CHSY1: variants seen among roughly 807,000 people sequenced by gnomAD.
CHSY1 encodes chondroitin sulfate synthase 1.
Under a neutral mutation model 59.8 loss-of-function variants are expected in CHSY1, and 13 were observed. The observed-to-expected ratio is 0.22, with a 90% CI of 0.14 to 0.35. The LOEUF is 0.35. Ranked by LOEUF, CHSY1 falls within the 10% of genes least tolerant of loss-of-function variation. The pLI, the probability that CHSY1 is intolerant of heterozygous loss-of-function variation, is 1.00. For missense variants in CHSY1, 947 were observed against 1,030.6 expected, an observed-to-expected ratio of 0.92 and a Z score of 1.11; for synonymous variants, 459 against 401.2, an observed-to-expected ratio of 1.14 and a Z score of -1.72.
In CHSY1 at chr15:101,177,382, T is replaced by C; in HGVS notation, c.*6A>G. ...TTAAAAACGTCTTTTCCAGCAAAGCTGGACATTAGGCTGTCCTCACTGAGC... is the reference window on the plus strand; with the variant it reads ...TTAAAAACGTCTTTTCCAGCAAAGCCGGACATTAGGCTGTCCTCACTGAGC... On this transcript the variant is annotated 3_prime_UTR_variant, in exon 3 of 3. Coordinates refer to ENST00000254190, the MANE Select transcript of CHSY1 (RefSeq NM_014918.5). 3 of 1,599,742 alleles carry C rather than the reference T, an allele frequency of 1.9e-6. No homozygotes were observed. Among genetic ancestry groups the C allele is most frequent in the Non-Finnish European group, 2.6e-6 (3 of 1,176,208 alleles).
chr15:101,228,960 A>G (rs1371744055), intron 2 of CHSY1, among the ~76,000 whole-genome samples: 1 of 152,246 alleles, frequency 6.6e-6, no homozygotes, highest in African/African-American at 2.4e-5. Flanking sequence ...CAACAACAGC[A>G]CAAAGGGAGG....
At chr15:101,243,998 C>T (rs901512017) in intron 1 of CHSY1, among the ~76,000 whole-genome samples, 1 of 152,196 alleles carries the variant, frequency 6.6e-6, no homozygotes, top group African/African-American at 2.4e-5. Flanking sequence ...TTTTGGTTTA[C>T]AGGCATCAAC....
At chr15:101,234,620 G>A (rs574080019) in intron 2 of CHSY1, among the ~76,000 whole-genome samples, 48 of 152,230 alleles carry the variant, frequency 3.2e-4, no homozygotes, top group Non-Finnish European at 6.6e-4. Context: ...TGTAATCCCA[G>A]CATTTTGGGA....
chr15:101,226,956 G>T (rs572259279), intron 2 of CHSY1, among the ~76,000 whole-genome samples: 1 of 152,298 alleles, frequency 6.6e-6, no homozygotes, highest in African/African-American at 2.4e-5. Flanking sequence ...TGACATCAGT[G>T]AAAATGGCAG....
intron 1 of CHSY1, among the ~76,000 whole-genome samples, chr15:101,239,247 A>T (rs539140241): frequency 4.4e-4 from 67 of 152,380 alleles, no homozygotes; most frequent in Middle Eastern, 3.4e-3. Flanking sequence ...ATGGTGCCAC[A>T]CGTGTTTGCA....
At chr15:101,198,827 T>C (rs190854338) in intron 2 of CHSY1, among the ~76,000 whole-genome samples, 1 of 152,174 alleles carries the variant, frequency 6.6e-6, no homozygotes, top group Non-Finnish European at 1.5e-5. Flanking sequence ...TGCATTACAG[T>C]GGCTAAGCTG....
At position 101,178,204 on chromosome 15, in the gene CHSY1, A is replaced by C. The variant is rs766053226; in HGVS notation, c.1593T>G (p.Asp531Glu). The change falls in exon 3 of 3, where the codon GAT becomes GAG. Residue 531 changes from aspartate to glutamate, a missense_variant. Asp to Glu is a conservative substitution (Grantham distance 45). Coordinates refer to ENST00000254190, the MANE Select transcript of CHSY1 (RefSeq NM_014918.5). ...GSKSEHKEPK[D>E]KKINILIPLS... is the part of the protein sequence containing the mutation. ...AAGGAATCAGTATGTTTATCTTTTT[A>C]TCTTTGGGTTCTTTGTGCTCACTCT... 25 of 1,614,220 alleles carry C rather than the reference A, an allele frequency of 1.5e-5. No individual in the cohort carries two copies. Among genetic ancestry groups the C allele is most frequent in the Non-Finnish European group, 1.9e-5 (23 of 1,180,032 alleles).
Position 101,178,051 on chromosome 15 carries a change from T to C in CHSY1, c.1746A>G (p.Lys582=), listed in dbSNP as rs2141235234. The part of the protein sequence containing the change: ...FNSDSNPDKA[K]QVELMRDYRI... ...GGTAATCTCTCATCAGTTCAACTTG[T>C]TTGGCCTTGTCAGGGTTGGAGTCAG... is the stretch of plus-strand genomic sequence containing the variant. Residue 582 remains lysine, a synonymous_variant, in exon 3 of 3, where the codon AAA becomes AAG. Coordinates refer to ENST00000254190, the MANE Select transcript of CHSY1 (RefSeq NM_014918.5). The C allele has an allele frequency of 6.2e-7, 1 of 1,614,178 alleles. No homozygotes were observed. The highest frequency in any genetic ancestry group is 8.5e-7 in the Non-Finnish European group (1 of 1,180,026).
At chr15:101,186,251 C>T (rs1348129987) in intron 2 of CHSY1, among the ~76,000 whole-genome samples, 3 of 150,500 alleles carry the variant, frequency 2.0e-5, no homozygotes, top group African/African-American at 2.4e-5. Context: ...GTCTGGGAGG[C>T]GGAGGTTGCA....
At chr15:101,227,489 A>C (rs894556801) in intron 2 of CHSY1, among the ~76,000 whole-genome samples, 7 of 152,246 alleles carry the variant, frequency 4.6e-5, no homozygotes, top group African/African-American at 9.6e-5. Flanking sequence ...AACAAACAAA[A>C]AAACAGGCTA....
chr15:101,179,029 G>A, intron 2 of CHSY1, 49 bp from the exon 3 acceptor site: 1 of 1,562,694 alleles, frequency 6.4e-7, no homozygotes, highest in South Asian at 1.1e-5. Context: ...GTATGATTGA[G>A]TGCCAGCACA....
At chr15:101,201,827 G>GA (rs538618434) in intron 2 of CHSY1, among the ~76,000 whole-genome samples, 94 of 152,282 alleles carry the variant, frequency 6.2e-4, no homozygotes, top group Non-Finnish European at 1.1e-3. Context: ...CACCTTTCCT[G>GA]AACTGTGTTC....
At chr15:101,218,095 A>T (rs111825124) in intron 2 of CHSY1, among the ~76,000 whole-genome samples, 37 of 152,336 alleles carry the variant, frequency 2.4e-4, no homozygotes, top group Middle Eastern at 3.4e-3. Flanking sequence ...CATCAGACAA[A>T]TCCGAATAGA....
intron 2 of CHSY1, among the ~76,000 whole-genome samples, chr15:101,216,359 G>C (rs1413409485): frequency 6.6e-6 from 1 of 152,178 alleles, no homozygotes. Context: ...GCTAAACATA[G>C]TCTTATATAC....
chr15:101,212,479 G>A (rs1298967886), intron 2 of CHSY1, among the ~76,000 whole-genome samples: 1 of 152,216 alleles, frequency 6.6e-6, no homozygotes, highest in Non-Finnish European at 1.5e-5. Context: ...GTATGGATGA[G>A]CCTCAGAAAC....
chr15:101,241,633 T>G (rs890901826), intron 1 of CHSY1, among the ~76,000 whole-genome samples: 1 of 152,246 alleles, frequency 6.6e-6, no homozygotes, highest in Non-Finnish European at 1.5e-5. Context: ...TAATAGTTAT[T>G]CTACTAGTTA....
intron 1 of CHSY1, among the ~76,000 whole-genome samples, chr15:101,246,253 C>T (rs1047778808): frequency 6.6e-6 from 1 of 152,094 alleles, no homozygotes; most frequent in African/African-American, 2.4e-5. Context: ...AAACTATTCC[C>T]CATCTTCAGC....
In CHSY1 at chr15:101,177,785, C is replaced by G. The variant is rs771860435; in HGVS notation, c.2012G>C (p.Gly671Ala). The change falls in exon 3 of 3, where the codon GGG becomes GCG. Residue 671 changes from glycine to alanine, a missense_variant. Gly to Ala is a moderately conservative substitution (Grantham distance 60). Transcript: ENST00000254190. ...AAAATGGTTGTCACTGGGAACTTTC[C>G]CACTATAAACAATCTTTGGGTCATA... ...SQYDPKIVYSGKVPSDNHFAF... is the reference protein window; with the variant it reads ...SQYDPKIVYSAKVPSDNHFAF... The G allele has an allele frequency of 1.4e-5, 23 of 1,614,160 alleles. No homozygotes were observed. Among genetic ancestry groups the G allele is most frequent in the Non-Finnish European group, 1.9e-5 (23 of 1,180,034 alleles).
chr15:101,179,787 C>T (rs1327273531), intron 2 of CHSY1, among the ~76,000 whole-genome samples: 7 of 152,228 alleles, frequency 4.6e-5, no homozygotes, highest in Non-Finnish European at 1.0e-4. Flanking sequence ...ACCCTGCCTC[C>T]GCCCCGTGGC....
Sources: gnomAD v4.1 joint callset for allele counts (sites outside exome capture counted in the v4.1 genomes callset) on GRCh38, gnomAD v4.1.1 for gene constraint, MANE v1.5 for transcripts, NCBI Gene and HGNC (gene_info 2026-07-23, HGNC 2026-07-21) for gene names.